The following RECQL variants were observed in gnomAD, a reference collection of about 807,000 sequenced individuals.
RECQL encodes ATP-dependent DNA helicase Q1.
In RECQL, 73 loss-of-function variants were observed where a neutral mutation model predicts 75.8. The observed-to-expected ratio is 0.96, with a 90% CI of 0.80 to 1.17. The LOEUF is 1.17. Ranked by LOEUF, RECQL falls within the 50% of genes most tolerant of loss-of-function variation. The pLI, the probability that RECQL is intolerant of heterozygous loss-of-function variation, is 0.00. For synonymous variants in RECQL, 248 were observed against 254.4 expected, an observed-to-expected ratio of 0.97 and a Z score of 0.24; for missense variants, 699 against 772.1, an observed-to-expected ratio of 0.91 and a Z score of 1.12.
At position 21,476,776 on chromosome 12, in the gene RECQL, C is replaced by G. The variant is rs1044765884; in HGVS notation, c.949+135G>C. The G allele has an allele frequency of 5.4e-5, 26 of 485,062 alleles. 1 individual carries two copies. The South Asian group carries it at 1.2e-3, about 22-fold the overall frequency. The allele number at this position is 485,062 out of a possible 1,614,324, so 30.0% of individuals were successfully genotyped here. A position where few individuals can be genotyped will look rare whatever the true frequency, so the allele number is the denominator to read the frequency against. ...AAGATCAAGTGAATTAATTTTATCA[C>G]GTATTTTCAAGTATCTTCTGCTATA... On this transcript the variant is annotated intron_variant, in intron 8 of 14. Coordinates refer to ENST00000444129, the MANE Select transcript of RECQL (RefSeq NM_002907.4).
intron 14 of RECQL, 151 bp downstream of exon 14, chr12:21,470,818 T>G: frequency 2.0e-6 from 1 of 492,332 alleles, no homozygotes; most frequent in Non-Finnish European, 3.3e-6. Context: ...TACAGAAAAC[T>G]ATATTTTCTC....
At chr12:21,492,942 C>G (rs1162676050) in intron 2 of RECQL, among the ~76,000 whole-genome samples, 5 of 152,228 alleles carry the variant, frequency 3.3e-5, no homozygotes, top group Non-Finnish European at 7.3e-5. Context: ...TCCCATACTT[C>G]ACACCCATCT....
chr12:21,475,521 T>C lies in RECQL; in HGVS notation c.1163A>G (p.His388Arg), dbSNP rs768267000. The C allele has an allele frequency of 4.3e-6, 7 of 1,613,086 alleles. No individual in the cohort carries two copies. Among genetic ancestry groups the C allele is most frequent in the Non-Finnish European group, 5.1e-6 (6 of 1,179,310 alleles). The change falls in exon 10 of 15, where the codon CAT (histidine) becomes CGT (arginine). Residue 388 changes from histidine to arginine, a missense_variant. His to Arg is a conservative substitution (Grantham distance 29). This residue lies in a region of RECQL where 669 missense variants were observed against 713.5 expected (regional missense o/e 0.94). Transcript: ENST00000444129. The stretch of plus-strand genomic sequence containing the variant: ...TTCCATGGATTTACTCATTGAATGA[T>C]GGATAACAAACCTCACATCTGGCTT... ...IDKPDVRFVI[H>R]HSMSKSMENY...
Position 21,471,559 on chromosome 12 carries a change from T to C in RECQL, c.1536A>G (p.Pro512=). ...CCATCCAAGAATCAATCAGTTTCAATGGAGTGAGTTTTTCATTCAGTTCCT... is the reference window on the plus strand; with the variant it reads ...CCATCCAAGAATCAATCAGTTTCAACGGAGTGAGTTTTTCATTCAGTTCCT... ...QAEELNEKLT[P]LKLIDSWMGK... The change falls in exon 13 of 15, where the codon CCA becomes CCG. Residue 512 remains proline, a synonymous_variant. Transcript: ENST00000444129. 1.2e-6 allele frequency: 2 copies of C among 1,612,896 alleles called. No homozygotes were observed. Among genetic ancestry groups the C allele is most frequent in the Non-Finnish European group, 1.7e-6 (2 of 1,179,306 alleles).
At chr12:21,475,124 C>A in intron 10 of RECQL, 145 bp from the exon 11 acceptor site, 2 of 751,892 alleles carry the variant, frequency 2.7e-6, no homozygotes, top group South Asian at 4.2e-5. Flanking sequence ...TAATGGGTAC[C>A]CTCAAATTAA....
At position 21,469,217 on chromosome 12, in the gene RECQL, C is replaced by G. The variant is rs767888250; in HGVS notation, c.*977G>C. On this transcript the variant is annotated 3_prime_UTR_variant, in exon 15 of 15. Coordinates refer to ENST00000444129, the MANE Select transcript of RECQL (RefSeq NM_002907.4). The stretch of plus-strand genomic sequence containing the variant: ...TGCTAATATTTATATTGATGACTTA[C>G]TCCTTTTTTGTTGAATTGTACTTCT... 6.3e-6 allele frequency: 1 copy of G among 157,828 alleles called. No individual in the cohort carries two copies. Among genetic ancestry groups the G allele is most frequent in the South Asian group, 1.9e-4 (1 of 5,350 alleles). The allele number at this position is 157,828 out of a possible 1,614,324, so 9.8% of individuals were successfully genotyped here.
At position 21,469,070 on chromosome 12, in the gene RECQL, A is replaced by G; in HGVS notation, c.*1124T>C. The G allele has an allele frequency of 3.9e-6, 1 of 253,166 alleles. No homozygotes were observed. The highest frequency in any genetic ancestry group is 7.7e-6 in the Non-Finnish European group (1 of 129,290). The allele number at this position is 253,166 out of a possible 1,614,324, so 15.7% of individuals were successfully genotyped here. A position where few individuals can be genotyped will look rare whatever the true frequency, so the allele number is the denominator to read the frequency against. On this transcript the variant is annotated 3_prime_UTR_variant, in exon 15 of 15. Transcript: ENST00000444129. ...GCAAATTTAGGTAAGTTATCTACTT[A>G]GCCAAATGTACTCTAGTAGACTAGA...
chr12:21,487,130 T>C (rs544852293), intron 4 of RECQL, among the ~76,000 whole-genome samples: 17 of 152,176 alleles, frequency 1.1e-4, no homozygotes, highest in African/African-American at 3.9e-4. Context: ...AACAGAACTC[T>C]ATCCTTATAA....
At chr12:21,499,747 T>C (rs774013971) in intron 1 of RECQL, 132 bp from the exon 2 acceptor site, 13 of 507,128 alleles carry the variant, frequency 2.6e-5, no homozygotes, top group Non-Finnish European at 4.2e-5. Context: ...CAGTGACCTT[T>C]CAAATAAGAA....
At chr12:21,473,686 AAG>A in intron 11 of RECQL, 44 bp from the exon 12 acceptor site, 1 of 1,514,744 alleles carries the variant, frequency 6.6e-7, no homozygotes, top group Non-Finnish European at 9.1e-7. Flanking sequence ...GGATATAATA[AAG>A]TTTTAAGAAT....
In RECQL at chr12:21,469,528, T is replaced by C. The variant is rs2137299784; in HGVS notation, c.*666A>G. 1 of 150,768 alleles carries C rather than the reference T, an allele frequency of 6.6e-6. No homozygotes were observed. Among genetic ancestry groups the C allele is most frequent in the Middle Eastern group, 3.5e-3 (1 of 286 alleles). The allele number at this position is 150,768 out of a possible 1,614,324, so 9.3% of individuals were successfully genotyped here. Reference sequence around the variant, plus strand: ...CTTAAAGTATCACTCAGTGAACCTCTGTCAGTATAATATTGCTTTCAAAAA... The same window carrying C: ...CTTAAAGTATCACTCAGTGAACCTCCGTCAGTATAATATTGCTTTCAAAAA... On this transcript the variant is annotated 3_prime_UTR_variant, in exon 15 of 15. Transcript: ENST00000444129.
chr12:21,499,695 A>G, intron 1 of RECQL, 80 bp from the exon 2 acceptor site: 1 of 697,300 alleles, frequency 1.4e-6, no homozygotes, highest in Non-Finnish European at 2.4e-6. Context: ...GTAATCTGTC[A>G]TTCCTAAGCA....
At chr12:21,492,656 T>C (rs992634904) in intron 2 of RECQL, among the ~76,000 whole-genome samples, 1 of 152,220 alleles carries the variant, frequency 6.6e-6, no homozygotes, top group Non-Finnish European at 1.5e-5. Context: ...CAGTTTTACA[T>C]TGGGATGGTT....
chr12:21,501,621 G>A lies in RECQL; in HGVS notation c.-497C>T, dbSNP rs553759466. 4.8e-6 allele frequency: 2 copies of A among 418,288 alleles called. No individual in the cohort carries two copies. Among genetic ancestry groups the A allele is most frequent in the Admixed American group, 4.1e-5 (1 of 24,174 alleles). The allele number at this position is 418,288 out of a possible 1,614,324, so 25.9% of individuals were successfully genotyped here. The stretch of plus-strand genomic sequence containing the variant: ...GGGAGTAAAATCTTCCCGCCAGCCA[G>A]CTGAGAGCATCCACCCTTCCGGGTC... On this transcript the variant is annotated 5_prime_UTR_variant, in exon 1 of 15. Transcript: ENST00000444129.
intron 8 of RECQL, 35 bp from the exon 9 acceptor site, chr12:21,475,859 T>C (rs1280819491): frequency 1.3e-6 from 2 of 1,527,374 alleles, no homozygotes; most frequent in Non-Finnish European, 9.0e-7. Context: ...TAGATAGATA[T>C]GGCATATTCC....
intron 7 of RECQL, 98 bp downstream of exon 7, chr12:21,477,704 TA>T: frequency 1.1e-6 from 1 of 927,348 alleles, no homozygotes; most frequent in Non-Finnish European, 1.5e-6. Context: ...AAAATTTTTG[TA>T]AGTACTTAAC....
At chr12:21,485,934 C>T (rs968666162) in intron 5 of RECQL, among the ~76,000 whole-genome samples, 3 of 152,182 alleles carry the variant, frequency 2.0e-5, no homozygotes, top group Non-Finnish European at 4.4e-5. Flanking sequence ...TTCCTAAATA[C>T]AAGAAATTCC....
chr12:21,497,922 C>T (rs12829302), intron 2 of RECQL, among the ~76,000 whole-genome samples: 32,711 of 152,048 alleles, frequency 0.22, 4,192 homozygotes, highest in South Asian at 0.3. Flanking sequence ...GCAAAGTGAC[C>T]GCATTGGAAC....
Position 21,477,816 on chromosome 12 carries a change from T to C in RECQL, c.854A>G (p.Asn285Ser). The part of the protein sequence containing the change: ...FTFTASFNRP[N>S]LYYEVRQKPS... Reference sequence around the variant, plus strand: ...AAAATTACATACCTCATAATATAGATTTGGCCTATTAAAAGAAGCTGTAAA... The same window carrying C: ...AAAATTACATACCTCATAATATAGACTTGGCCTATTAAAAGAAGCTGTAAA... Residue 285 changes from asparagine (N) to serine (S), a missense_variant, in exon 7 of 15, where the codon AAT (asparagine) becomes AGT (serine). Coordinates refer to ENST00000444129, the MANE Select transcript of RECQL (RefSeq NM_002907.4). The C allele has an allele frequency of 1.2e-6, 2 of 1,611,746 alleles. No homozygotes were observed. Among genetic ancestry groups the C allele is most frequent in the Non-Finnish European group, 1.7e-6 (2 of 1,178,448 alleles).
Sources: gnomAD v4.1 joint callset for allele counts (sites outside exome capture counted in the v4.1 genomes callset) on GRCh38, gnomAD v4.1.1 for gene constraint, gnomAD v4.1.1 regional missense constraint, MANE v1.5 for transcripts, NCBI Gene and HGNC (gene_info 2026-07-23, HGNC 2026-07-21) for gene names.